Variants in ADAMTSL1 observed in about 807,000 individuals in gnomAD.
ADAMTSL1 encodes the protein ADAMTS like 1, also known as ADAMTS-like protein 1.
In ADAMTSL1, 126 loss-of-function variants were observed where a neutral mutation model predicts 201.8. That is an observed-to-expected ratio of 0.62 (90% confidence interval 0.54 to 0.72). ADAMTSL1 has a LOEUF of 0.72. ADAMTSL1 is among the 30% of genes least tolerant of loss of function. The probability of loss-of-function intolerance (pLI) is 0.00; values close to 1 mark genes in which losing one functional copy is unlikely to be tolerated. For synonymous variants in ADAMTSL1, 1,121 were observed against 903.4 expected, an observed-to-expected ratio of 1.24 and a Z score of -4.32; for missense variants, 2,679 against 2,277.8, an observed-to-expected ratio of 1.18 and a Z score of -3.59.
intron 2 of ADAMTSL1, among the ~76,000 whole-genome samples, chr9:18,425,772 CT>C (rs111670605): frequency 0.031 from 4,612 of 147,654 alleles, 220 homozygotes; most frequent in African/African-American, 0.1. Context: ...GGGAGAAGAG[CT>C]TGAGCCCAGA....
At chr9:18,016,755 A>C (rs1820276300) in intron 1 of ADAMTSL1, among the ~76,000 whole-genome samples, 1 of 152,064 alleles carries the variant, frequency 6.6e-6, no homozygotes, top group African/African-American at 2.4e-5. Flanking sequence ...AGGGTATAAA[A>C]TTTAACTTCA....
chr9:18,453,795 A>G (rs1820504535), intron 2 of ADAMTSL1, among the ~76,000 whole-genome samples: 1 of 152,184 alleles, frequency 6.6e-6, no homozygotes, highest in African/African-American at 2.4e-5. Flanking sequence ...ATCTCTGTAA[A>G]CAGTTCATTC....
intron 2 of ADAMTSL1, among the ~76,000 whole-genome samples, chr9:18,440,615 T>A (rs1023334032): frequency 3.3e-5 from 5 of 150,658 alleles, no homozygotes; most frequent in African/African-American, 2.4e-5. Flanking sequence ...ATATATATAT[T>A]ATATATATCT....
At chr9:18,639,558 G>A (rs1291772656) in intron 7 of ADAMTSL1, 147 bp downstream of exon 7, 19 of 855,114 alleles carry the variant, frequency 2.2e-5, no homozygotes, top group Non-Finnish European at 3.2e-5. Flanking sequence ...AGGGTGTTGA[G>A]CTAGCTGCAT....
rs556372744 is a variant in ADAMTSL1 at position 18,285,922 on chromosome 9, GC to G, written c.207+121942del. On this transcript the variant is annotated intron_variant, in intron 2 of 29. Transcript: ENST00000680146. Reference sequence around the variant, plus strand: ...GGTTTTTTAGCATATTCATAAGACTGCACAGCCACCACTATGTTCTATCTAA... The same window carrying G: ...GGTTTTTTAGCATATTCATAAGACTGACAGCCACCACTATGTTCTATCTAA... Among the ~76,000 whole-genome samples the G allele has an allele frequency of 2.2e-3, 335 of 152,128 alleles. 1 individual carries two copies. Among genetic ancestry groups the G allele is most frequent in the African/African-American group, 7.3e-3 (302 of 41,492 alleles).
At chr9:18,016,007 C>A (rs1326296078) in intron 1 of ADAMTSL1, among the ~76,000 whole-genome samples, 1 of 152,094 alleles carries the variant, frequency 6.6e-6, no homozygotes, top group African/African-American at 2.4e-5. Context: ...TATGGCAGAT[C>A]TAATCTTGTC....
rs1198569365 is a variant in ADAMTSL1 at position 18,680,308 on chromosome 9, G to A, written c.1137-4G>A. The stretch of plus-strand genomic sequence containing the variant: ...TGCCCTGATGACTCCCCTTGCTTCT[G>A]TAGGTGGGAGGCCACCCCATGGACC... On this transcript the variant is annotated splice_region_variant and splice_polypyrimidine_tract_variant and intron_variant, in intron 10 of 28. Transcript: ENST00000380548. The A allele has an allele frequency of 8.1e-6, 13 of 1,613,810 alleles. No homozygotes were observed. Among genetic ancestry groups the A allele is most frequent in the Non-Finnish European group, 1.1e-5 (13 of 1,179,908 alleles).
At chr9:18,351,875 C>A (rs1029123848) in intron 2 of ADAMTSL1, among the ~76,000 whole-genome samples, 8 of 152,148 alleles carry the variant, frequency 5.3e-5, no homozygotes, top group African/African-American at 1.9e-4. Context: ...AAATACATTT[C>A]TGTAAATATT....
intron 1 of ADAMTSL1, among the ~76,000 whole-genome samples, chr9:18,097,403 A>C (rs1824299259): frequency 6.6e-6 from 1 of 152,222 alleles, no homozygotes; most frequent in East Asian, 1.9e-4. Context: ...CTGGCTGTCA[A>C]AAATTTTCAT....
intron 2 of ADAMTSL1, among the ~76,000 whole-genome samples, chr9:18,444,404 G>C (rs1820110779): frequency 6.6e-6 from 1 of 152,122 alleles, no homozygotes; most frequent in Non-Finnish European, 1.5e-5. Flanking sequence ...GTGGATATGG[G>C]ATTTGAATTT....
chr9:18,010,527 T>G (rs929132072), intron 1 of ADAMTSL1, among the ~76,000 whole-genome samples: 1 of 152,006 alleles, frequency 6.6e-6, no homozygotes, highest in Non-Finnish European at 1.5e-5. Context: ...AATTGTGAAC[T>G]AGAGTGAGTA....
Position 18,141,213 on chromosome 9 carries a change from C to A in ADAMTSL1, c.88-22649C>A, listed in dbSNP as rs534696604. Among the ~76,000 whole-genome samples the A allele has an allele frequency of 3.3e-5, 5 of 152,264 alleles. No individual in the cohort carries two copies. In the South Asian group the frequency reaches 8.3e-4, roughly 25 times the overall value. On this transcript the variant is annotated intron_variant, in intron 1 of 29. Coordinates refer to the ADAMTSL1 transcript ENST00000680146. ...CTTCTCAACCAACCCCCACCCCATG[C>A]TCAATAGTGCTGAGCTCAGTGAGAA...
At chr9:18,449,578 T>C (rs981716442) in intron 2 of ADAMTSL1, among the ~76,000 whole-genome samples, 2 of 152,186 alleles carry the variant, frequency 1.3e-5, no homozygotes, top group Non-Finnish European at 2.9e-5. Flanking sequence ...TATTATCACA[T>C]CCTGTGTTTT....
intron 1 of ADAMTSL1, among the ~76,000 whole-genome samples, chr9:17,966,791 T>C (rs1817994997): frequency 2.0e-5 from 3 of 152,258 alleles, no homozygotes; most frequent in Admixed American, 2.0e-4. Flanking sequence ...TTTGGATTAC[T>C]TTTTAAGGAT....
intron 2 of ADAMTSL1, among the ~76,000 whole-genome samples, chr9:18,331,942 A>T (rs1835044089): frequency 6.6e-6 from 1 of 152,186 alleles, no homozygotes; most frequent in Admixed American, 6.5e-5. Context: ...AGCTTGCTGC[A>T]GTCTCGCCTG....
At chr9:18,836,631 G>A (rs1356699289) in intron 23 of ADAMTSL1, among the ~76,000 whole-genome samples, 1 of 152,098 alleles carries the variant, frequency 6.6e-6, no homozygotes, top group Non-Finnish European at 1.5e-5. Flanking sequence ...CTAATTCTGT[G>A]AAAAATGAGG....
intron 2 of ADAMTSL1, among the ~76,000 whole-genome samples, chr9:18,176,476 C>G (rs1348157828): frequency 6.6e-6 from 1 of 151,982 alleles, no homozygotes; most frequent in Admixed American, 6.6e-5. Context: ...ATTTATTACC[C>G]TCTTCTGTAT....
At chr9:18,271,419 T>TG (rs1215583765) in intron 2 of ADAMTSL1, among the ~76,000 whole-genome samples, 1 of 152,064 alleles carries the variant, frequency 6.6e-6, no homozygotes, top group African/African-American at 2.4e-5. Context: ...AGTGAGAACA[T>TG]GCAGTGTTTG....
intron 19 of ADAMTSL1, among the ~76,000 whole-genome samples, chr9:18,778,464 G>T (rs1294620938): frequency 6.6e-6 from 1 of 152,170 alleles, no homozygotes; most frequent in Admixed American, 6.5e-5. Context: ...ATCTCCTGTT[G>T]TCTCTGTTTT....
Sources: allele counts gnomAD v4.1 joint callset (sites outside exome capture counted in the v4.1 genomes callset), GRCh38; gene constraint gnomAD v4.1.1; transcripts MANE v1.5; gene names NCBI Gene and HGNC (gene_info 2026-07-23, HGNC 2026-07-21).